Variants in PAQR5 observed in about 807,000 individuals in gnomAD.
PAQR5 encodes progestin and adipoQ receptor family member 5.
PAQR5 carries 20 observed loss-of-function variants against 34.5 expected under a neutral mutation model. The observed-to-expected ratio is 0.58, with a 90% CI of 0.41 to 0.84. The LOEUF (loss-of-function observed/expected upper bound fraction) is 0.84. Ranked by LOEUF, PAQR5 falls within the 40% of genes least tolerant of loss-of-function variation. The probability of loss-of-function intolerance (pLI) is 0.00; values close to 1 mark genes in which losing one functional copy is unlikely to be tolerated. For synonymous variants in PAQR5, 131 were observed against 155.6 expected (o/e 0.84, Z 1.18); for missense variants, 378 against 412.7 (o/e 0.92, Z 0.73).
At chr15:69,397,949 C>T (rs987708358) in intron 7 of PAQR5, 32 of 223,284 alleles carry the variant, frequency 1.4e-4, no homozygotes, top group Admixed American at 6.2e-4. Context: ...ACTGGGGGCT[C>T]GGGAACGTCA....
At chr15:69,310,077 C>T (rs1389671416) in intron 1 of PAQR5, among the ~76,000 whole-genome samples, 1 of 151,340 alleles carries the variant, frequency 6.6e-6, no homozygotes, top group African/African-American at 2.4e-5. Flanking sequence ...CAAAACGAAA[C>T]AACAACAACA....
chr15:69,395,317 G>A (rs150099756), intron 6 of PAQR5, among the ~76,000 whole-genome samples: 6 of 152,218 alleles, frequency 3.9e-5, no homozygotes, highest in Non-Finnish European at 7.4e-5. Context: ...TGAGACAGAG[G>A]GGGTGACACT....
At chr15:69,328,898 G>A (rs1258025455) in intron 1 of PAQR5, among the ~76,000 whole-genome samples, 1 of 152,228 alleles carries the variant, frequency 6.6e-6, no homozygotes, top group Non-Finnish European at 1.5e-5. Context: ...CTGAGGGAAT[G>A]CCTCTCCCAG....
At chr15:69,358,341 G>A (rs1033978044) in intron 2 of PAQR5, among the ~76,000 whole-genome samples, 1 of 152,104 alleles carries the variant, frequency 6.6e-6, no homozygotes, top group South Asian at 2.1e-4. Flanking sequence ...GCTTGGCATG[G>A]TTCTTTTGTG....
At chr15:69,393,138 G>A (rs1425732209) in intron 6 of PAQR5, among the ~76,000 whole-genome samples, 1 of 151,482 alleles carries the variant, frequency 6.6e-6, no homozygotes, top group African/African-American at 2.4e-5. Context: ...AAGGAGGAAG[G>A]GGGCACATGC....
rs1409364834 is a variant in PAQR5, at chr15:69,300,865, C to A, written c.-277+1809C>A. Among the ~76,000 whole-genome samples, 40 of 20,238 alleles carry A rather than the reference C, an allele frequency of 2.0e-3. 2 individuals carry two copies. Among genetic ancestry groups the A allele is most frequent in the African/African-American group, 5.0e-3 (35 of 7,020 alleles). The allele number at this position is 20,238 out of a possible 152,430, so 13.3% of individuals were successfully genotyped here. Reference sequence around the variant, plus strand: ...GTTTTCTTTCTTTCTTTCTTTCTTTCTTTCTTTCTTTCTTTCTTTCTTTCT... The same window carrying A: ...GTTTTCTTTCTTTCTTTCTTTCTTTATTTCTTTCTTTCTTTCTTTCTTTCT... On this transcript the variant is annotated intron_variant, in intron 1 of 8. Transcript: ENST00000395407.
chr15:69,350,397 C>T (rs530041505), intron 2 of PAQR5, among the ~76,000 whole-genome samples: 1 of 152,302 alleles, frequency 6.6e-6, no homozygotes, highest in African/African-American at 2.4e-5. Context: ...AATCCCAGCA[C>T]TTTGGGAGGC....
At chr15:69,382,658 GCATATATATA>G in intron 4 of PAQR5, among the ~76,000 whole-genome samples, 1 of 31,100 alleles carries the variant, frequency 3.2e-5, no homozygotes, top group African/African-American at 1.7e-4. Context: ...AAAAAAAAAA[GCATATATATA>G]TATATATATA....
intron 1 of PAQR5, among the ~76,000 whole-genome samples, chr15:69,307,080 C>T (rs2053734248): frequency 7.1e-6 from 1 of 141,738 alleles, no homozygotes; most frequent in Admixed American, 7.6e-5. Context: ...GCATAATATT[C>T]CATTACATAT....
chr15:69,403,990 A>G lies in PAQR5; in HGVS notation c.*168A>G. ...GTTATTCAGCTGGGGAAATTTCTCT[A>G]AATGTACACTGATTCTGTGTGTGTG... On this transcript the variant is annotated 3_prime_UTR_variant, in exon 9 of 9. Transcript: ENST00000395407. 1.5e-6 allele frequency: 1 copy of G among 683,212 alleles called. No homozygotes were observed. Among genetic ancestry groups the G allele is most frequent in the Non-Finnish European group, 2.4e-6 (1 of 415,056 alleles). The allele number at this position is 683,212 out of a possible 1,614,324, so 42.3% of individuals were successfully genotyped here.
intron 2 of PAQR5, among the ~76,000 whole-genome samples, chr15:69,349,961 A>G (rs1431820610): frequency 6.6e-6 from 1 of 152,070 alleles, no homozygotes; most frequent in Non-Finnish European, 1.5e-5. Flanking sequence ...TTTCAAGCAG[A>G]GGAAGGGATC....
chr15:69,364,504 A>C (rs1404266687), intron 3 of PAQR5, among the ~76,000 whole-genome samples: 2 of 147,900 alleles, frequency 1.4e-5, no homozygotes, highest in Non-Finnish European at 3.0e-5. Context: ...TATATGTTAT[A>C]TATATACATT....
At chr15:69,343,806 G>C (rs1423192333) in intron 2 of PAQR5, among the ~76,000 whole-genome samples, 1 of 152,050 alleles carries the variant, frequency 6.6e-6, no homozygotes, top group East Asian at 1.9e-4. Context: ...TACAATCCTA[G>C]GTTCATTCAA....
intron 2 of PAQR5, among the ~76,000 whole-genome samples, chr15:69,354,063 G>T (rs1052267808): frequency 6.6e-6 from 1 of 152,162 alleles, no homozygotes. Context: ...GAATTATCCT[G>T]CTCTGTGATT....
intron 1 of PAQR5, among the ~76,000 whole-genome samples, chr15:69,325,756 C>G (rs911599872): frequency 4.6e-5 from 7 of 152,140 alleles, no homozygotes; most frequent in Admixed American, 2.6e-4. Context: ...CTGACCACTC[C>G]CCAAACACGT....
In PAQR5 at chr15:69,300,921, C is replaced by T. The variant is rs1243860952; in HGVS notation, c.-277+1865C>T. ...CCTTCCTTCCTTCCTTCCTTTCTCT[C>T]TCTCTCTCTCTCTCTCTCTTTCTTT... On this transcript the variant is annotated intron_variant, in intron 1 of 8. Coordinates refer to ENST00000395407, the MANE Select transcript of PAQR5 (RefSeq NM_017705.4). Among the ~76,000 whole-genome samples the T allele has an allele frequency of 1.7e-4, 3 of 17,946 alleles. 1 individual carries two copies. Among genetic ancestry groups the T allele is most frequent in the Non-Finnish European group, 4.1e-4 (3 of 7,328 alleles). 11.8% of individuals were successfully genotyped at this position (17,946 alleles called of 152,430 possible). A position where few individuals can be genotyped will look rare whatever the true frequency, so the allele number is the denominator to read the frequency against.
chr15:69,379,806 C>A, intron 3 of PAQR5, 77 bp from the exon 4 acceptor site: 1 of 1,542,084 alleles, frequency 6.5e-7, no homozygotes, highest in Non-Finnish European at 8.8e-7. Context: ...CAGAGCACGG[C>A]CTGGAAGATG....
intron 2 of PAQR5, among the ~76,000 whole-genome samples, chr15:69,343,048 C>T (rs1337890786): frequency 6.6e-6 from 1 of 152,222 alleles, no homozygotes; most frequent in Non-Finnish European, 1.5e-5. Context: ...TGTATGACCA[C>T]TTGTCTGAAA....
In PAQR5 at chr15:69,347,436, T is replaced by A. The variant is rs137931039; in HGVS notation, c.-116+9935T>A. Among the ~76,000 whole-genome samples the A allele has an allele frequency of 5.3e-5, 8 of 152,312 alleles. No individual in the cohort carries two copies. In the East Asian group the frequency reaches 1.5e-3, roughly 29 times the overall value. On this transcript the variant is annotated intron_variant, in intron 2 of 8. Coordinates refer to ENST00000395407, the MANE Select transcript of PAQR5 (RefSeq NM_017705.4). Reference sequence around the variant, plus strand: ...AGGGTTTAAGTCCCTTTAGCTAAAGTCAATTCTCTTCTTAAAAGGAAACTT... The same window carrying A: ...AGGGTTTAAGTCCCTTTAGCTAAAGACAATTCTCTTCTTAAAAGGAAACTT...
Sources: gnomAD v4.1 joint callset for allele counts (sites outside exome capture counted in the v4.1 genomes callset) on GRCh38, gnomAD v4.1.1 for gene constraint, MANE v1.5 for transcripts, NCBI Gene and HGNC (gene_info 2026-07-23, HGNC 2026-07-21) for gene names.